Variants in RPSA2 observed in about 807,000 individuals in gnomAD.
RPSA2 encodes the protein small ribosomal subunit protein uS2B.
chr19:23,765,098 G>A, the RPSA2 span, among the ~76,000 whole-genome samples: 2 of 152,120 alleles, frequency 1.3e-5, no homozygotes, highest in African/African-American at 4.8e-5. Context: ...CTAGGCCTGT[G>A]GAAAATTTCC....
the RPSA2 span, among the ~76,000 whole-genome samples, chr19:23,840,009 T>C: frequency 6.6e-6 from 1 of 152,280 alleles, no homozygotes; most frequent in African/African-American, 2.4e-5. Flanking sequence ...CTTCAGAGGG[T>C]TGTCCTGATG....
At chr19:23,852,897 C>G in the RPSA2 span, among the ~76,000 whole-genome samples, 106 of 152,298 alleles carry the variant, frequency 7.0e-4, no homozygotes, top group Middle Eastern at 3.4e-3. Flanking sequence ...AAATATGGAA[C>G]AGGAGGTGTC....
the RPSA2 span, among the ~76,000 whole-genome samples, chr19:23,779,543 A>T: frequency 6.6e-6 from 1 of 152,098 alleles, no homozygotes; most frequent in South Asian, 2.1e-4. Flanking sequence ...TTTGCTAATC[A>T]CCTAAGTGAT....
the RPSA2 span, among the ~76,000 whole-genome samples, chr19:23,796,695 A>C: frequency 6.6e-6 from 1 of 151,936 alleles, no homozygotes; most frequent in Non-Finnish European, 1.5e-5. Flanking sequence ...TATTTGTTCA[A>C]TAATATTTTC....
the RPSA2 span, among the ~76,000 whole-genome samples, chr19:23,841,154 T>G: frequency 6.6e-6 from 1 of 152,142 alleles, no homozygotes; most frequent in African/African-American, 2.4e-5. Flanking sequence ...TTAATTTTAT[T>G]TACTTGGTTA....
the RPSA2 span, among the ~76,000 whole-genome samples, chr19:23,855,956 C>T: frequency 6.6e-6 from 1 of 152,044 alleles, no homozygotes; most frequent in Non-Finnish European, 1.5e-5. Context: ...TGTGTCAGGG[C>T]CGTGAGAGCC....
At chr19:23,823,263 A>G in the RPSA2 span, among the ~76,000 whole-genome samples, 2 of 152,114 alleles carry the variant, frequency 1.3e-5, no homozygotes, top group Non-Finnish European at 2.9e-5. Flanking sequence ...TTCCTCCCCA[A>G]TACAGCACAA....
At chr19:23,861,530 T>C in the RPSA2 span, among the ~76,000 whole-genome samples, 1 of 152,170 alleles carries the variant, frequency 6.6e-6, no homozygotes, top group African/African-American at 2.4e-5. Context: ...AAAAATTTCA[T>C]CCTTGGCAGT....
the RPSA2 span, among the ~76,000 whole-genome samples, chr19:23,823,409 G>A: frequency 6.6e-6 from 1 of 152,070 alleles, no homozygotes; most frequent in Non-Finnish European, 1.5e-5. Flanking sequence ...AGCCGTATGT[G>A]GATTGCCACT....
the RPSA2 span, among the ~76,000 whole-genome samples, chr19:23,811,396 A>AAG: frequency 6.6e-6 from 1 of 152,112 alleles, no homozygotes; most frequent in Admixed American, 6.6e-5. Context: ...CAATTCTTTA[A>AAG]TGTATCATGT....
At chr19:23,799,492 CTT>C in the RPSA2 span, 1 of 152,392 alleles carries the variant, frequency 6.6e-6, no homozygotes, top group East Asian at 1.9e-4. Context: ...AGGCTTCACT[CTT>C]TGATGTGACA....
At chr19:23,839,249 G>A in the RPSA2 span, among the ~76,000 whole-genome samples, 1 of 152,184 alleles carries the variant, frequency 6.6e-6, no homozygotes, top group African/African-American at 2.4e-5. Flanking sequence ...TGGTTTTGAA[G>A]GTTCCTTTGG....
At chr19:23,789,426 C>T in the RPSA2 span, among the ~76,000 whole-genome samples, 1 of 152,188 alleles carries the variant, frequency 6.6e-6, no homozygotes, top group South Asian at 2.1e-4. Context: ...CATCTTTAGA[C>T]AAGCCCCAGG....
the RPSA2 span, among the ~76,000 whole-genome samples, chr19:23,828,689 A>G: frequency 6.5e-4 from 98 of 151,216 alleles, no homozygotes; most frequent in South Asian, 0.018. Context: ...TTTCAAGGGA[A>G]ATGTTGTATG....
At chr19:23,766,941 TTTGTTTGC>T in the RPSA2 span, among the ~76,000 whole-genome samples, 2 of 151,772 alleles carry the variant, frequency 1.3e-5, no homozygotes, top group Admixed American at 6.6e-5. Flanking sequence ...TGAATTTTTG[TTTGTTTGC>T]TTGTTTGTTT....
the RPSA2 span, among the ~76,000 whole-genome samples, chr19:23,770,513 C>T: frequency 6.6e-6 from 1 of 152,146 alleles, no homozygotes; most frequent in African/African-American, 2.4e-5. Context: ...GAGTTCAACA[C>T]CCATGAAATG....
At chr19:23,761,921 T>TCTCGCTCTCTCTCTCTCTCTCTCTC in the RPSA2 span, among the ~76,000 whole-genome samples, 4 of 76,140 alleles carry the variant, frequency 5.3e-5, 1 homozygote, top group Non-Finnish European at 7.7e-5. Flanking sequence ...TCTTTCTTTC[T>TCTCGCTCTCTCTCTCTCTCTCTCTC]TTTTTTTTTT....
At chr19:23,860,695 C>T in the RPSA2 span, among the ~76,000 whole-genome samples, 2 of 152,150 alleles carry the variant, frequency 1.3e-5, no homozygotes, top group Admixed American at 6.5e-5. Context: ...TGCTGAAACT[C>T]TCCCAATGTC....
the RPSA2 span, among the ~76,000 whole-genome samples, chr19:23,836,615 T>A: frequency 9.2e-5 from 14 of 152,198 alleles, no homozygotes. Flanking sequence ...GTGACTGTAC[T>A]GGTTGACATT....
Sources: gnomAD v4.1 joint callset for allele counts (sites outside exome capture counted in the v4.1 genomes callset) on GRCh38, gnomAD v4.1.1 for gene constraint, MANE v1.5 for transcripts, NCBI Gene and HGNC (gene_info 2026-07-23, HGNC 2026-07-21) for gene names.